Variants in CSMD1 observed in about 807,000 individuals in gnomAD.
CSMD1 encodes the protein CUB and Sushi multiple domains 1, also known as CUB and sushi domain-containing protein 1.
A neutral mutation model predicts 417.5 loss-of-function variants in CSMD1; 213 were observed. The ratio of observed to expected loss-of-function variants is 0.51; its 90% CI spans 0.46 to 0.57. The LOEUF (loss-of-function observed/expected upper bound fraction) is 0.57, where lower values mean the gene tolerates loss of function less well. Ranked by LOEUF, CSMD1 falls within the 20% of genes least tolerant of loss-of-function variation. The pLI is 0.00. For synonymous variants in CSMD1, 2,862 were observed against 1,736.8 expected (o/e 1.65, Z -16.11); for missense variants, 6,923 against 4,529.7 (o/e 1.53, Z -15.17).
intron 5 of CSMD1, among the ~76,000 whole-genome samples, chr8:3,884,349 G>T (rs1324897382): frequency 6.6e-6 from 1 of 152,170 alleles, no homozygotes; most frequent in Non-Finnish European, 1.5e-5. Context: ...GTAATCAACT[G>T]ATTCCCTAGA....
At chr8:4,006,625 A>C (rs1396522051) in intron 4 of CSMD1, among the ~76,000 whole-genome samples, 2 of 152,186 alleles carry the variant, frequency 1.3e-5, no homozygotes, top group Admixed American at 1.3e-4. Context: ...TGTCAAATCC[A>C]TAGGTAAGCA....
intron 2 of CSMD1, among the ~76,000 whole-genome samples, chr8:4,630,276 AC>A (rs1802432887): frequency 2.0e-5 from 1 of 48,876 alleles, no homozygotes. Flanking sequence ...ACACACACAC[AC>A]ACACACACAC....
intron 23 of CSMD1, among the ~76,000 whole-genome samples, chr8:3,326,841 G>T (rs886845142): frequency 3.3e-5 from 5 of 152,090 alleles, no homozygotes; most frequent in Non-Finnish European, 5.9e-5. Flanking sequence ...TGCCTTTTCA[G>T]GATTCTTACA....
chr8:2,986,280 CA>C (rs958325168), intron 54 of CSMD1, among the ~76,000 whole-genome samples: 5 of 152,160 alleles, frequency 3.3e-5, no homozygotes, highest in Non-Finnish European at 5.9e-5. Context: ...CTAGAGCTCT[CA>C]AAAACCTATG....
intron 26 of CSMD1, among the ~76,000 whole-genome samples, chr8:3,245,139 A>G (rs902964877): frequency 2.0e-5 from 3 of 152,208 alleles, no homozygotes; most frequent in Non-Finnish European, 4.4e-5. Flanking sequence ...GCATTAATTG[A>G]GTTTGTATTT....
At chr8:4,283,169 A>G (rs1266194805) in intron 3 of CSMD1, among the ~76,000 whole-genome samples, 1 of 152,206 alleles carries the variant, frequency 6.6e-6, no homozygotes, top group Non-Finnish European at 1.5e-5. Context: ...GTACGTTGAG[A>G]GTCTTTTTTA....
chr8:4,707,991 G>A (rs1411075703), intron 1 of CSMD1, among the ~76,000 whole-genome samples: 3 of 151,040 alleles, frequency 2.0e-5, no homozygotes, highest in Non-Finnish European at 4.4e-5. Context: ...TGTCACCCAG[G>A]CTAGTGCAGT....
chr8:3,110,597 T>C (rs2129016083), intron 42 of CSMD1, among the ~76,000 whole-genome samples: 1 of 152,364 alleles, frequency 6.6e-6, no homozygotes, highest in South Asian at 2.1e-4. Context: ...AAATTTATTC[T>C]TCTATGCCTC....
chr8:3,219,056 C>A (rs934657955), intron 29 of CSMD1, among the ~76,000 whole-genome samples, 199 bp downstream of exon 29: 1 of 152,004 alleles, frequency 6.6e-6, no homozygotes, highest in African/African-American at 2.4e-5. Flanking sequence ...CCCTCTCTTT[C>A]TTCCTCCAGT....
intron 52 of CSMD1, among the ~76,000 whole-genome samples, chr8:3,007,168 A>G (rs2128960352): frequency 6.7e-6 from 1 of 150,134 alleles, no homozygotes. Flanking sequence ...AAGACACATG[A>G]AAAAATGCTC....
Position 2,942,507 on chromosome 8 carries a change from A to C in CSMD1, c.10500T>G (p.Ile3500Met), listed in dbSNP as rs1454287167. The C allele has an allele frequency of 1.9e-6, 3 of 1,612,932 alleles. No homozygotes were observed. In the Admixed American group the frequency reaches 5.0e-5, roughly 27 times the overall value. The change falls in exon 69 of 70, where the codon ATT becomes ATG. Residue 3500 changes from isoleucine to methionine, a missense_variant. Physicochemically the swap from Ile to Met is conservative, Grantham distance 10. Transcript: ENST00000635120. ...AGAGGTAAAATGCAAACCCTGATAA[A>C]ATTAGAGCAAAGAAAGGAACCAGAA... is the stretch of plus-strand genomic sequence containing the variant. The part of the protein sequence containing the change: ...AAILVPFFAL[I>M]LSGFAFYLYK...
chr8:3,732,757 C>T (rs1423996338), intron 6 of CSMD1, among the ~76,000 whole-genome samples: 1 of 152,132 alleles, frequency 6.6e-6, no homozygotes, highest in African/African-American at 2.4e-5. Context: ...AAACTCAATG[C>T]TTAATTACTA....
intron 3 of CSMD1, among the ~76,000 whole-genome samples, chr8:4,131,098 G>C (rs1470790832): frequency 6.6e-6 from 1 of 152,184 alleles, no homozygotes; most frequent in South Asian, 2.1e-4. Flanking sequence ...TCTAACTGCT[G>C]TTAAAAGGAG....
rs555784947 is a variant in CSMD1 at position 3,426,180 on chromosome 8, G to A, written c.1562-16575C>T. Among the ~76,000 whole-genome samples, 7 of 152,276 alleles carry A rather than the reference G, an allele frequency of 4.6e-5. No homozygotes were observed. The South Asian group carries it at 1.2e-3, about 27-fold the overall frequency. On this transcript the variant is annotated intron_variant, in intron 12 of 69. Transcript: ENST00000635120. ...CCTTTCAATAACAGTAGATACAAAA[G>A]CAGAGCATGTGAGGAGCTGTATTAG...
At chr8:3,291,968 C>T (rs964505177) in intron 25 of CSMD1, among the ~76,000 whole-genome samples, 1 of 151,816 alleles carries the variant, frequency 6.6e-6, no homozygotes, top group African/African-American at 2.4e-5. Flanking sequence ...GCATTTAGTG[C>T]TATAAATTTT....
intron 3 of CSMD1, among the ~76,000 whole-genome samples, chr8:4,110,316 G>T (rs879390803): frequency 6.6e-6 from 1 of 152,060 alleles, no homozygotes. Flanking sequence ...CATTTCCCAG[G>T]AACTTGTGAA....
intron 2 of CSMD1, among the ~76,000 whole-genome samples, chr8:4,476,986 G>A (rs552318790): frequency 4.4e-4 from 67 of 152,334 alleles, no homozygotes; most frequent in African/African-American, 1.5e-3. Flanking sequence ...GCCAATTGCT[G>A]GCTGCCTAGG....
At chr8:4,187,285 G>A (rs1157690896) in intron 3 of CSMD1, among the ~76,000 whole-genome samples, 1 of 152,166 alleles carries the variant, frequency 6.6e-6, no homozygotes, top group Non-Finnish European at 1.5e-5. Context: ...GAATACTGAT[G>A]CTCTTTCAGT....
chr8:4,733,370 C>T (rs1810024319), intron 1 of CSMD1, among the ~76,000 whole-genome samples: 2 of 152,312 alleles, frequency 1.3e-5, no homozygotes, highest in South Asian at 4.1e-4. Flanking sequence ...TTTACCCTAG[C>T]AGGTTATAGT....
Sources: allele counts gnomAD v4.1 joint callset (sites outside exome capture counted in the v4.1 genomes callset), GRCh38; gene constraint gnomAD v4.1.1; transcripts MANE v1.5; gene names NCBI Gene and HGNC (gene_info 2026-07-23, HGNC 2026-07-21).